NRG3: variants seen among roughly 807,000 people sequenced by gnomAD.
NRG3 encodes the protein pro-neuregulin-3, membrane-bound isoform.
Under a neutral mutation model 66.9 loss-of-function variants are expected in NRG3, and 31 were observed. The ratio of observed to expected loss-of-function variants is 0.46; its 90% CI spans 0.35 to 0.63. The LOEUF (loss-of-function observed/expected upper bound fraction) is 0.63, where lower values mean the gene tolerates loss of function less well. NRG3 is among the 20% of genes least tolerant of loss of function. NRG3 has a pLI of 0.00. For synonymous variants in NRG3, 393 were observed against 359.4 expected (o/e 1.09, Z -1.06); for missense variants, 910 against 878.9 (o/e 1.04, Z -0.45).
intron 1 of NRG3, among the ~76,000 whole-genome samples, chr10:82,321,169 C>T (rs1188129703): frequency 2.0e-5 from 3 of 152,178 alleles, no homozygotes; most frequent in African/African-American, 4.8e-5. Context: ...CTAGATGCTA[C>T]CTTGGGGCTG....
At position 82,871,748 on chromosome 10, in the gene NRG3, A is replaced by G. The variant is rs146096970; in HGVS notation, c.1054+6311A>G. 3.7e-3 allele frequency among the ~76,000 whole-genome samples: 563 copies of G among 152,166 alleles called. 2 individuals are homozygous for G. Among genetic ancestry groups the G allele is most frequent in the African/African-American group, 0.013 (532 of 41,556 alleles). ...TTACTGGCATCTAGGAAAATTATTG[A>G]CTTTACATGTTAACCTAGTATCCTG... On this transcript the variant is annotated intron_variant, in intron 4 of 8. Coordinates refer to ENST00000372141, the MANE Select transcript of NRG3 (RefSeq NM_001010848.4).
chr10:82,477,008 G>A (rs1841844244), intron 2 of NRG3, among the ~76,000 whole-genome samples: 1 of 152,162 alleles, frequency 6.6e-6, no homozygotes, highest in African/African-American at 2.4e-5. Flanking sequence ...TGGATGACAA[G>A]TCTGGCACTA....
chr10:82,492,504 A>G (rs1415433274), intron 2 of NRG3, among the ~76,000 whole-genome samples: 3 of 152,156 alleles, frequency 2.0e-5, no homozygotes, highest in Non-Finnish European at 4.4e-5. Context: ...ATTTCCCCCT[A>G]GGCTCAAAGT....
At chr10:82,447,138 T>C (rs1279047042) in intron 2 of NRG3, among the ~76,000 whole-genome samples, 1 of 152,228 alleles carries the variant, frequency 6.6e-6, no homozygotes, top group Non-Finnish European at 1.5e-5. Flanking sequence ...CAACAATGTC[T>C]CAAATGCTAC....
At chr10:82,738,261 C>A (rs2058252204) in intron 2 of NRG3, among the ~76,000 whole-genome samples, 1 of 152,088 alleles carries the variant, frequency 6.6e-6, no homozygotes, top group East Asian at 1.9e-4. Context: ...GAAAAATACA[C>A]CTGCATCCAG....
chr10:82,550,923 C>T (rs148903819), intron 2 of NRG3, among the ~76,000 whole-genome samples: 119 of 152,192 alleles, frequency 7.8e-4, no homozygotes, highest in African/African-American at 2.6e-3. Context: ...TATTAGCATT[C>T]GGGTACTTGG....
chr10:82,488,588 A>G (rs147710756), intron 2 of NRG3, among the ~76,000 whole-genome samples: 4 of 152,236 alleles, frequency 2.6e-5, no homozygotes, highest in African/African-American at 9.6e-5. Context: ...CCACTGAGGG[A>G]TTTCTTTCCA....
intron 1 of NRG3, among the ~76,000 whole-genome samples, chr10:81,962,185 C>T (rs73306568): frequency 0.095 from 14,452 of 152,196 alleles, 1,040 homozygotes; most frequent in African/African-American, 0.21. Context: ...TATTGTATGG[C>T]TTCAGCCATG....
At chr10:82,762,195 C>T (rs911170482) in intron 3 of NRG3, among the ~76,000 whole-genome samples, 1 of 151,712 alleles carries the variant, frequency 6.6e-6, no homozygotes, top group African/African-American at 2.4e-5. Context: ...ACCATGTTGC[C>T]CAGGCTGGTC....
intron 2 of NRG3, among the ~76,000 whole-genome samples, chr10:82,520,336 C>T (rs1467550401): frequency 6.6e-6 from 1 of 151,796 alleles, no homozygotes; most frequent in East Asian, 1.9e-4. Flanking sequence ...ATCTTCTAGT[C>T]TCCTGGGGCT....
chr10:82,301,920 T>C (rs113192886), intron 1 of NRG3, among the ~76,000 whole-genome samples: 2,777 of 152,018 alleles, frequency 0.018, 66 homozygotes, highest in African/African-American at 0.052. Context: ...AACAAATGGC[T>C]TGGTTCTGTT....
chr10:82,228,786 G>A (rs1345259018), intron 1 of NRG3: 1 of 152,208 alleles, frequency 6.6e-6, no homozygotes, highest in Non-Finnish European at 1.5e-5. Flanking sequence ...TGCCATTTCA[G>A]AAGTAGATGG....
At chr10:82,526,970 T>C (rs894907294) in intron 2 of NRG3, among the ~76,000 whole-genome samples, 3 of 152,098 alleles carry the variant, frequency 2.0e-5, no homozygotes, top group South Asian at 4.1e-4. Context: ...ATAATATCTA[T>C]TGATAGTATG....
At chr10:82,815,338 C>T (rs2061660869) in intron 3 of NRG3, among the ~76,000 whole-genome samples, 1 of 152,158 alleles carries the variant, frequency 6.6e-6, no homozygotes, top group African/African-American at 2.4e-5. Context: ...GGCCCCATTT[C>T]ATTGATTTCC....
Position 82,983,499 on chromosome 10 carries a change from G to A in NRG3, c.1584-1599G>A, listed in dbSNP as rs563770582. Among the ~76,000 whole-genome samples, 8 of 152,194 alleles carry A rather than the reference G, an allele frequency of 5.3e-5. No homozygotes were observed. In the East Asian group the frequency reaches 9.7e-4, roughly 18 times the overall value. ...TTTTCTGGTTCCCCTTAGGATAGTC[G>A]TTCATTAGCAACCTCTAACATTGAT... On this transcript the variant is annotated intron_variant, in intron 8 of 8. Coordinates refer to ENST00000372141, the MANE Select transcript of NRG3 (RefSeq NM_001010848.4).
intron 1 of NRG3, among the ~76,000 whole-genome samples, chr10:82,330,206 G>T (rs2082076574): frequency 1.3e-5 from 2 of 152,134 alleles, no homozygotes; most frequent in African/African-American, 4.8e-5. Flanking sequence ...TAAGGGAAAT[G>T]ATACCTGTAA....
rs75833223 is a variant in NRG3 at position 82,715,261 on chromosome 10, G to A, written c.954-23316G>A. 7.5e-3 allele frequency among the ~76,000 whole-genome samples: 1,141 copies of A among 152,264 alleles called. 16 individuals are homozygous for A. The highest frequency in any genetic ancestry group is 0.026 in the African/African-American group (1,068 of 41,548). The stretch of plus-strand genomic sequence containing the variant: ...AAATACAAAACAATTAGCCAGCTGT[G>A]ATGGCACACGCCTGTAGTCCCAACC... On this transcript the variant is annotated intron_variant, in intron 2 of 8. Coordinates refer to ENST00000372141, the MANE Select transcript of NRG3 (RefSeq NM_001010848.4).
chr10:81,920,144 C>A (rs1033012410), intron 1 of NRG3, among the ~76,000 whole-genome samples: 3 of 152,018 alleles, frequency 2.0e-5, no homozygotes, highest in African/African-American at 7.3e-5. Context: ...AGAAAGGGAG[C>A]CTTGACTTCA....
At chr10:82,464,851 C>G (rs781420198) in intron 2 of NRG3, among the ~76,000 whole-genome samples, 2 of 152,164 alleles carry the variant, frequency 1.3e-5, no homozygotes, top group Non-Finnish European at 2.9e-5. Context: ...TCAACAGCAG[C>G]CACTTAAGAA....
Sources: allele counts gnomAD v4.1 joint callset (sites outside exome capture counted in the v4.1 genomes callset), GRCh38; gene constraint gnomAD v4.1.1; transcripts MANE v1.5; gene names NCBI Gene and HGNC (gene_info 2026-07-23, HGNC 2026-07-21).